The following STK32B variants were observed in gnomAD, a reference collection of about 807,000 sequenced individuals.
STK32B encodes the protein serine/threonine-protein kinase 32B.
In STK32B, 43 loss-of-function variants were observed where a neutral mutation model predicts 52.6. The ratio of observed to expected loss-of-function variants is 0.82; its 90% CI spans 0.64 to 1.05. The LOEUF (loss-of-function observed/expected upper bound fraction) is 1.05, where lower values mean the gene tolerates loss of function less well. STK32B is among the 50% of genes least tolerant of loss of function. The pLI, the probability that STK32B is intolerant of heterozygous loss-of-function variation, is 0.00. For synonymous variants in STK32B, 238 were observed against 204.3 expected (o/e 1.17, Z -1.41); for missense variants, 621 against 534.6 (o/e 1.16, Z -1.59).
intron 4 of STK32B, among the ~76,000 whole-genome samples, chr4:5,373,306 G>A (rs1025424931): frequency 2.0e-5 from 3 of 152,228 alleles, no homozygotes; most frequent in African/African-American, 7.2e-5. Flanking sequence ...AAGATCTGCA[G>A]TGGGAGCCAG....
intron 3 of STK32B, among the ~76,000 whole-genome samples, chr4:5,173,115 C>A (rs1719527882): frequency 6.6e-6 from 1 of 152,170 alleles, no homozygotes; most frequent in Admixed American, 6.6e-5. Context: ...TGATAGTATT[C>A]TCTGATAGTA....
chr4:5,254,545 T>C (rs1231704884), intron 3 of STK32B, among the ~76,000 whole-genome samples: 2 of 152,204 alleles, frequency 1.3e-5, no homozygotes, highest in Non-Finnish European at 2.9e-5. Flanking sequence ...AGCATGGTTT[T>C]ATGTAAGTTT....
At chr4:5,278,027 T>C (rs925233974) in intron 3 of STK32B, among the ~76,000 whole-genome samples, 2 of 152,158 alleles carry the variant, frequency 1.3e-5, no homozygotes, top group Non-Finnish European at 2.9e-5. Context: ...ATGAAAGCAA[T>C]TGATCAAGAA....
chr4:5,207,982 A>G (rs919296875), intron 3 of STK32B, among the ~76,000 whole-genome samples: 1 of 152,136 alleles, frequency 6.6e-6, no homozygotes, highest in Admixed American at 6.5e-5. Context: ...TGTTACAGGC[A>G]TGGCTGTATC....
intron 4 of STK32B, among the ~76,000 whole-genome samples, chr4:5,389,907 C>T (rs1393625085): frequency 6.6e-6 from 1 of 152,114 alleles, no homozygotes; most frequent in Non-Finnish European, 1.5e-5. Flanking sequence ...ATAGTAGGGT[C>T]GGAGAAGCAG....
chr4:5,199,800 ACC>A lies in STK32B; in HGVS notation c.260+31352_260+31353del, dbSNP rs1721987226. ...GGTGAACCCCCACTTACGCCACAAA[ACC>A]CTGCCCTCTGCTCGTCTGTGAAGCC... On this transcript the variant is annotated intron_variant, in intron 3 of 11. Transcript: ENST00000282908. Among the ~76,000 whole-genome samples, 4 of 151,670 alleles carry A rather than the reference ACC, an allele frequency of 2.6e-5. No homozygotes were observed. In the South Asian group the frequency reaches 8.4e-4, roughly 32 times the overall value.
chr4:5,038,934 A>T, the STK32B span, among the ~76,000 whole-genome samples: 1 of 151,692 alleles, frequency 6.6e-6, no homozygotes, highest in Non-Finnish European at 1.5e-5. Context: ...CTCTTTTGTA[A>T]TAACATAGCA....
the STK32B span, among the ~76,000 whole-genome samples, chr4:5,027,770 G>C: frequency 6.6e-6 from 1 of 152,196 alleles, no homozygotes; most frequent in African/African-American, 2.4e-5. Flanking sequence ...GGTGTTGAAA[G>C]ATGCACACAG....
chr4:5,173,426 C>G (rs959774350), intron 3 of STK32B, among the ~76,000 whole-genome samples: 12 of 152,024 alleles, frequency 7.9e-5, no homozygotes, highest in Non-Finnish European at 1.6e-4. Context: ...TTCCTGCTTT[C>G]TCTTGTGGGC....
At chr4:5,403,642 A>G (rs1439716987) in intron 5 of STK32B, among the ~76,000 whole-genome samples, 1 of 152,194 alleles carries the variant, frequency 6.6e-6, no homozygotes, top group Non-Finnish European at 1.5e-5. Context: ...TGTTGCTAAC[A>G]TATTTGTTGA....
At chr4:5,154,211 C>CTTT (rs3072774) in intron 2 of STK32B, among the ~76,000 whole-genome samples, 8 of 122,602 alleles carry the variant, frequency 6.5e-5, no homozygotes, top group East Asian at 2.4e-4. Flanking sequence ...CCTTCCATGT[C>CTTT]TTTTTTTTTT....
In STK32B at chr4:5,058,370, A is replaced by C. The variant is rs1742087718; in HGVS notation, c.52+6455A>C. Reference sequence around the variant, plus strand: ...ATGACATATGTCACATCTTGGAGAAAGTATTGAAGACCTAGTGAGTGTCAC... The same window carrying C: ...ATGACATATGTCACATCTTGGAGAACGTATTGAAGACCTAGTGAGTGTCAC... On this transcript the variant is annotated intron_variant, in intron 1 of 11. Transcript: ENST00000282908. This position sits in a 1 kb window ranked among gnomAD's most constrained non-coding sequence, Gnocchi z 4.8. Among the ~76,000 whole-genome samples, 1 of 152,192 alleles carries C rather than the reference A, an allele frequency of 6.6e-6. No individual in the cohort carries two copies. The highest frequency in any genetic ancestry group is 1.5e-5 in the Non-Finnish European group (1 of 68,032).
At chr4:5,272,509 G>A (rs1355030258) in intron 3 of STK32B, among the ~76,000 whole-genome samples, 2 of 149,488 alleles carry the variant, frequency 1.3e-5, no homozygotes, top group Non-Finnish European at 3.0e-5. Flanking sequence ...TCAGAATGAT[G>A]CTGGCCTCAT....
rs150445744 is a variant in STK32B at position 5,497,098 on chromosome 4, T to G, written c.1107-1847T>G. Among the ~76,000 whole-genome samples, 150 of 152,338 alleles carry G rather than the reference T, an allele frequency of 9.8e-4. 3 individuals carry two copies. The highest frequency in any genetic ancestry group is 1.6e-3 in the Non-Finnish European group (106 of 68,030). ...TATCAATGAGCTATCATATCTTATT[T>G]GAAATCCACGATTTTATAGTCATGG... On this transcript the variant is annotated intron_variant, in intron 11 of 11. Coordinates refer to ENST00000282908, the MANE Select transcript of STK32B (RefSeq NM_018401.3).
intron 1 of STK32B, among the ~76,000 whole-genome samples, chr4:5,127,809 G>T (rs568977779): frequency 6.6e-6 from 1 of 152,148 alleles, no homozygotes; most frequent in Non-Finnish European, 1.5e-5. Flanking sequence ...CCCACGTGTC[G>T]TGGTAGGGAC....
At chr4:5,264,656 G>A (rs552058403) in intron 3 of STK32B, among the ~76,000 whole-genome samples, 5 of 151,978 alleles carry the variant, frequency 3.3e-5, no homozygotes, top group African/African-American at 7.2e-5. Flanking sequence ...GCATGGTGGC[G>A]GGCGCCTGTA....
rs191898280 is a variant in STK32B, at chr4:5,396,480, G to A, written c.435-1727G>A. Reference sequence around the variant, plus strand: ...ATAGGGTCCCATTCTGAAGTTCTGGGTGGACATGAATTTTGAAGGGACACC... The same window carrying A: ...ATAGGGTCCCATTCTGAAGTTCTGGATGGACATGAATTTTGAAGGGACACC... On this transcript the variant is annotated intron_variant, in intron 4 of 11. Coordinates refer to ENST00000282908, the MANE Select transcript of STK32B (RefSeq NM_018401.3). This position sits in a 1 kb window ranked among gnomAD's most constrained non-coding sequence, Gnocchi z 4.7. Among the ~76,000 whole-genome samples, 166 of 152,242 alleles carry A rather than the reference G, an allele frequency of 1.1e-3. 2 individuals carry two copies. The highest frequency in any genetic ancestry group is 6.8e-4 in the Non-Finnish European group (46 of 68,006).
intron 3 of STK32B, among the ~76,000 whole-genome samples, chr4:5,304,035 A>G (rs79329415): frequency 6.6e-6 from 1 of 152,064 alleles, no homozygotes; most frequent in African/African-American, 2.4e-5. Context: ...CCATTAGTCT[A>G]TATGCCTATT....
intron 1 of STK32B, among the ~76,000 whole-genome samples, chr4:5,084,185 T>C (rs145527410): frequency 6.6e-6 from 1 of 152,372 alleles, no homozygotes; most frequent in Non-Finnish European, 1.5e-5. Flanking sequence ...GGTGAATTAG[T>C]GAATGTCTTC....
Sources: gnomAD v4.1 joint callset for allele counts (sites outside exome capture counted in the v4.1 genomes callset) on GRCh38, gnomAD v4.1.1 for gene constraint, Gnocchi (gnomAD v3.1) non-coding constraint, MANE v1.5 for transcripts, NCBI Gene and HGNC (gene_info 2026-07-23, HGNC 2026-07-21) for gene names.